Variants in TMEM132D observed in about 807,000 individuals in gnomAD.
The protein encoded by TMEM132D is mature OL transmembrane protein.
A neutral mutation model predicts 62.3 loss-of-function variants in TMEM132D; 21 were observed. That is an observed-to-expected ratio of 0.34 (90% CI 0.24 to 0.49). TMEM132D has a LOEUF of 0.49. TMEM132D is among the 20% of genes least tolerant of loss of function. The pLI, the probability that TMEM132D is intolerant of heterozygous loss-of-function variation, is 0.99. For missense variants in TMEM132D, 1,346 were observed against 1,402.8 expected (o/e 0.96, Z 0.65); for synonymous variants, 621 against 575.6 (o/e 1.08, Z -1.13).
intron 5 of TMEM132D, among the ~76,000 whole-genome samples, chr12:129,205,386 A>T (rs997251327): frequency 6.6e-6 from 1 of 151,090 alleles, no homozygotes; most frequent in Non-Finnish European, 1.5e-5. Flanking sequence ...GAAAAAAAAA[A>T]AAAAAACTGA....
chr12:129,533,949 G>A (rs914203996), intron 2 of TMEM132D, among the ~76,000 whole-genome samples: 5 of 152,142 alleles, frequency 3.3e-5, no homozygotes, highest in African/African-American at 7.2e-5. Flanking sequence ...GTCATTCTTC[G>A]GAGATGTAGA....
At chr12:129,511,470 G>C (rs1248476562) in intron 3 of TMEM132D, among the ~76,000 whole-genome samples, 19 of 152,204 alleles carry the variant, frequency 1.2e-4, no homozygotes, top group Non-Finnish European at 1.5e-5. Context: ...CAACTACTAT[G>C]AATGTGCAAG....
At chr12:129,627,012 A>G (rs2137164033) in intron 2 of TMEM132D, among the ~76,000 whole-genome samples, 1 of 152,300 alleles carries the variant, frequency 6.6e-6, no homozygotes, top group East Asian at 1.9e-4. Context: ...TGCAATGAAG[A>G]ATTGGAAAAG....
intron 5 of TMEM132D, among the ~76,000 whole-genome samples, chr12:129,177,642 C>T (rs886500539): frequency 1.3e-5 from 2 of 152,122 alleles, no homozygotes; most frequent in African/African-American, 4.8e-5. Context: ...CCTATAGTTC[C>T]AGCTACTTGG....
intron 1 of TMEM132D, among the ~76,000 whole-genome samples, chr12:129,889,785 T>C (rs565525773): frequency 2.0e-4 from 31 of 152,288 alleles, no homozygotes; most frequent in African/African-American, 7.2e-4. Context: ...AAAGGAACAG[T>C]TCTTCCTCTT....
At chr12:129,503,383 C>T (rs1323157251) in intron 3 of TMEM132D, among the ~76,000 whole-genome samples, 1 of 152,032 alleles carries the variant, frequency 6.6e-6, no homozygotes, top group African/African-American at 2.4e-5. Context: ...GTGCTTGTAT[C>T]TTTGTTTAGG....
intron 3 of TMEM132D, among the ~76,000 whole-genome samples, chr12:129,387,808 T>C (rs111812974): frequency 2.2e-5 from 3 of 133,988 alleles, no homozygotes; most frequent in Admixed American, 7.4e-5. Flanking sequence ...ATATGAACAC[T>C]AACACGAATC....
rs1364504020 is a variant in TMEM132D, at chr12:129,432,151, A to T, written c.1116-94334T>A. Among the ~76,000 whole-genome samples the T allele has an allele frequency of 5.5e-5, 8 of 145,860 alleles. No individual in the cohort carries two copies. In the East Asian group the frequency reaches 6.2e-4, roughly 11 times the overall value. On this transcript the variant is annotated intron_variant, in intron 3 of 8. Transcript: ENST00000422113. ...GATGGATGGATGGATGGATGGATGG[A>T]TGGATGCTTGGATGGATGGATGGAT...
At chr12:129,308,807 T>C (rs75846100) in intron 4 of TMEM132D, among the ~76,000 whole-genome samples, 1,941 of 152,302 alleles carry the variant, frequency 0.013, 44 homozygotes, top group African/African-American at 0.044. Context: ...TAGAGAATAT[T>C]TGATGGAATA....
intron 1 of TMEM132D, among the ~76,000 whole-genome samples, chr12:129,735,587 A>C (rs1394874211): frequency 6.6e-6 from 1 of 152,240 alleles, no homozygotes. Context: ...ATTTAGGCCA[A>C]AGATCTAAAT....
intron 3 of TMEM132D, among the ~76,000 whole-genome samples, chr12:129,524,354 T>C (rs1875948391): frequency 6.6e-6 from 1 of 152,200 alleles, no homozygotes; most frequent in African/African-American, 2.4e-5. Flanking sequence ...GGGGGTTCTC[T>C]TCATAATTAC....
chr12:129,445,172 G>A (rs1016023558), intron 3 of TMEM132D, among the ~76,000 whole-genome samples: 1 of 152,130 alleles, frequency 6.6e-6, no homozygotes, highest in Admixed American at 6.5e-5. Flanking sequence ...AACATGGATA[G>A]AGCTGGAGGC....
intron 4 of TMEM132D, among the ~76,000 whole-genome samples, chr12:129,230,307 A>AGAGG (rs539387773): frequency 2.1e-5 from 3 of 140,540 alleles, no homozygotes; most frequent in African/African-American, 7.9e-5. Flanking sequence ...TCTGTGTTGG[A>AGAGG]GGGGGGGGGC....
At chr12:129,820,813 T>A (rs761299542) in intron 1 of TMEM132D, among the ~76,000 whole-genome samples, 5 of 152,218 alleles carry the variant, frequency 3.3e-5, no homozygotes, top group Non-Finnish European at 1.5e-5. Flanking sequence ...GGCCTCAAAC[T>A]CGTGGGCTCA....
At chr12:129,528,482 A>T (rs568319980) in intron 3 of TMEM132D, among the ~76,000 whole-genome samples, 12 of 151,844 alleles carry the variant, frequency 7.9e-5, no homozygotes, top group Admixed American at 1.3e-4. Context: ...CACTGTAAAA[A>T]GTAATTTACA....
At chr12:129,870,519 T>C (rs568664112) in intron 1 of TMEM132D, among the ~76,000 whole-genome samples, 5 of 152,344 alleles carry the variant, frequency 3.3e-5, no homozygotes, top group African/African-American at 1.2e-4. Flanking sequence ...TTGAGCATGA[T>C]GCCCTGGATT....
At chr12:129,530,022 A>G (rs1876168854) in intron 3 of TMEM132D, among the ~76,000 whole-genome samples, 1 of 152,226 alleles carries the variant, frequency 6.6e-6, no homozygotes. Context: ...CTGTACAAGC[A>G]AATCTTCAAG....
At position 129,590,509 on chromosome 12, in the gene TMEM132D, T is replaced by C. The variant is rs139743899; in HGVS notation, c.969-59304A>G. Among the ~76,000 whole-genome samples, 11 of 152,346 alleles carry C rather than the reference T, an allele frequency of 7.2e-5. No homozygotes were observed. In the East Asian group the frequency reaches 2.1e-3, roughly 29 times the overall value. ...CTGCCCCTGTTTCTCATGGATCTTG[T>C]AAGAATCTGGCAACATGTCCAATGA... On this transcript the variant is annotated intron_variant, in intron 2 of 8. Transcript: ENST00000422113.
intron 1 of TMEM132D, among the ~76,000 whole-genome samples, chr12:129,872,743 G>C (rs944348578): frequency 2.6e-5 from 4 of 152,150 alleles, no homozygotes; most frequent in Admixed American, 2.0e-4. Context: ...CCAAGGTTCT[G>C]GGTTAAATGG....
Sources: allele counts gnomAD v4.1 joint callset (sites outside exome capture counted in the v4.1 genomes callset), GRCh38; gene constraint gnomAD v4.1.1; transcripts MANE v1.5; gene names NCBI Gene and HGNC (gene_info 2026-07-23, HGNC 2026-07-21).